Variants in CLIP4 observed in about 807,000 individuals in gnomAD.
The protein encoded by CLIP4 is CAP-Gly domain containing linker protein family member 4.
CLIP4 carries 47 observed loss-of-function variants against 73.1 expected under a neutral mutation model. The observed-to-expected ratio is 0.64, with a 90% confidence interval of 0.51 to 0.82. The LOEUF (loss-of-function observed/expected upper bound fraction) is 0.82, where lower values mean the gene tolerates loss of function less well. CLIP4 is among the 40% of genes least tolerant of loss of function. The probability of loss-of-function intolerance (pLI) is 0.00; values close to 1 mark genes in which losing one functional copy is unlikely to be tolerated. For synonymous variants in CLIP4, 306 were observed against 295.4 expected, an observed-to-expected ratio of 1.04 and a Z score of -0.37; for missense variants, 874 against 852.9, an observed-to-expected ratio of 1.02 and a Z score of -0.31.
chr2:29,180,254 C>T (rs377233195), intron 15 of CLIP4, among the ~76,000 whole-genome samples: 19 of 152,208 alleles, frequency 1.2e-4, no homozygotes, highest in East Asian at 1.2e-3. Context: ...GCTCAGGGAG[C>T]GACAAGACCC....
intron 13 of CLIP4, among the ~76,000 whole-genome samples, chr2:29,166,530 G>GACACAC (rs55833657): frequency 0.019 from 2,766 of 147,016 alleles, 31 homozygotes; most frequent in Non-Finnish European, 0.022. Context: ...TACACACACA[G>GACACAC]ACACACACAC....
In CLIP4 at chr2:29,160,406, G is replaced by T; in HGVS notation, c.1473G>T (p.Val491=). The change falls in exon 12 of 16, where the codon GTG becomes GTT. Residue 491 remains valine, a synonymous_variant. Transcript: ENST00000320081. ...CEGELRLGER[V]LVVGQRLGTI... The stretch of plus-strand genomic sequence containing the variant: ...GGGAACTCCGCCTCGGAGAGAGAGT[G>T]TTAGTGGTAGGACAGAGACTGGGCA... The T allele has an allele frequency of 1.2e-6, 2 of 1,614,182 alleles. No homozygotes were observed. The highest frequency in any genetic ancestry group is 1.7e-6 in the Non-Finnish European group (2 of 1,180,014).
chr2:29,174,477 T>A (rs766814358), intron 15 of CLIP4, 32 bp downstream of exon 15: 1 of 1,599,704 alleles, frequency 6.3e-7, no homozygotes, highest in Admixed American at 1.7e-5. Flanking sequence ...AAAAACACCT[T>A]TCAAGATGAA....
intron 1 of CLIP4, among the ~76,000 whole-genome samples, chr2:29,099,847 T>A (rs185726539): frequency 6.6e-6 from 1 of 152,332 alleles, no homozygotes; most frequent in Admixed American, 6.5e-5. Flanking sequence ...TCTCCATTTA[T>A]TTAGATTTAT....
intron 6 of CLIP4, among the ~76,000 whole-genome samples, chr2:29,142,482 TTC>T (rs993298496): frequency 6.6e-6 from 1 of 152,276 alleles, no homozygotes; most frequent in Non-Finnish European, 1.5e-5. Context: ...TTCCCTATTT[TTC>T]TCTCTCTGTT....
In CLIP4 at chr2:29,145,305, C is replaced by T. The variant is rs1306526254; in HGVS notation, c.959C>T (p.Pro320Leu). ...GQWAGIELDE[P>L]EGKNNGSVGK... is the part of the protein sequence containing the mutation. ...TGGGCTGGCATTGAACTGGATGAAC[C>T]AGAAGGAAAAAATAATGGAAGTGTT... Residue 320 changes from proline to leucine, a missense_variant, in exon 8 of 16, where the codon CCA (proline) becomes CTA (leucine). Physicochemically the swap from Pro to Leu is moderately conservative, Grantham distance 98 (BLOSUM62 -3). Transcript: ENST00000320081. 6.2e-7 allele frequency: 1 copy of T among 1,613,100 alleles called. No individual in the cohort carries two copies. Among genetic ancestry groups the T allele is most frequent in the Non-Finnish European group, 8.5e-7 (1 of 1,179,470 alleles).
chr2:29,103,511 T>G (rs532905976), intron 1 of CLIP4, among the ~76,000 whole-genome samples: 6 of 152,270 alleles, frequency 3.9e-5, no homozygotes, highest in Non-Finnish European at 7.4e-5. Flanking sequence ...ATACCATAAC[T>G]TACATTCTTA....
chr2:29,139,536 A>G (rs1003958522), intron 6 of CLIP4, among the ~76,000 whole-genome samples: 18 of 151,936 alleles, frequency 1.2e-4, no homozygotes, highest in Non-Finnish European at 2.2e-4. Flanking sequence ...TGGTTTTTTC[A>G]TATCATTTTG....
intron 14 of CLIP4, among the ~76,000 whole-genome samples, chr2:29,170,814 T>C (rs10169015): frequency 0.069 from 10,475 of 152,118 alleles, 1,179 homozygotes; most frequent in African/African-American, 0.24. Context: ...TTTTTTCACA[T>C]GTGAATGTCC....
intron 1 of CLIP4, among the ~76,000 whole-genome samples, chr2:29,110,076 T>A (rs1477982393): frequency 6.6e-6 from 1 of 151,652 alleles, no homozygotes; most frequent in Non-Finnish European, 1.5e-5. Context: ...AAAAAAAGAA[T>A]AAACATAGAA....
In CLIP4 at chr2:29,164,038, A is replaced by G. The variant is rs1229779572; in HGVS notation, c.1658+84A>G. 4.5e-6 allele frequency: 5 copies of G among 1,123,450 alleles called. No individual in the cohort carries two copies. The African/African-American group carries it at 4.7e-5, about 11-fold the overall frequency. 69.6% of individuals were successfully genotyped at this position (1,123,450 alleles called of 1,614,324 possible). A position where few individuals can be genotyped will look rare whatever the true frequency, so the allele number is the denominator to read the frequency against. On this transcript the variant is annotated intron_variant, in intron 13 of 15. Coordinates refer to ENST00000320081, the MANE Select transcript of CLIP4 (RefSeq NM_024692.6). ...TAGAGACACTAATTTTATATTAAAGATATGCTCTGATTGTAGCTCATGTCT... is the reference window on the plus strand; with the variant it reads ...TAGAGACACTAATTTTATATTAAAGGTATGCTCTGATTGTAGCTCATGTCT...
intron 8 of CLIP4, among the ~76,000 whole-genome samples, chr2:29,151,544 A>G (rs1436552893): frequency 1.3e-5 from 2 of 152,186 alleles, no homozygotes; most frequent in African/African-American, 2.4e-5. Context: ...AAAGATAAGA[A>G]AATCAGGATA....
chr2:29,171,527 T>A (rs1238610033), intron 14 of CLIP4, among the ~76,000 whole-genome samples: 2 of 151,314 alleles, frequency 1.3e-5, no homozygotes, highest in South Asian at 2.1e-4. Flanking sequence ...TTTCCTTTTT[T>A]TTTTTTTTTG....
At chr2:29,153,790 G>A (rs1666740255) in intron 9 of CLIP4, among the ~76,000 whole-genome samples, 1 of 152,192 alleles carries the variant, frequency 6.6e-6, no homozygotes, top group African/African-American at 2.4e-5. Context: ...GAATATCCCT[G>A]TGTCAATACT....
chr2:29,106,648 T>C (rs1257198013), intron 1 of CLIP4, among the ~76,000 whole-genome samples: 1 of 152,124 alleles, frequency 6.6e-6, no homozygotes, highest in South Asian at 2.1e-4. Context: ...ACCATGACAC[T>C]CTCTATTTTA....
intron 15 of CLIP4, chr2:29,174,786 A>G (rs949556299): frequency 1.3e-4 from 67 of 514,726 alleles, no homozygotes; most frequent in Non-Finnish European, 1.5e-4. Flanking sequence ...TTGATTTAAT[A>G]TTGTCAGTGA....
intron 11 of CLIP4, among the ~76,000 whole-genome samples, chr2:29,157,737 A>G (rs918199949): frequency 2.6e-5 from 4 of 152,228 alleles, no homozygotes; most frequent in Admixed American, 2.6e-4. Flanking sequence ...AATACCAGCC[A>G]GTTTTGATAT....
At chr2:29,112,586 T>A (rs1432118601), upstream of CLIP4, among the ~76,000 whole-genome samples, 5 of 152,272 alleles carry the variant, frequency 3.3e-5, no homozygotes, top group Non-Finnish European at 5.9e-5. Context: ...TAGAAACTGA[T>A]CTTGTACTTG....
At position 29,181,772 on chromosome 2, in the gene CLIP4, A is replaced by T; in HGVS notation, c.1997A>T (p.Asp666Val). The change falls in exon 16 of 16, where the codon GAT (aspartate) becomes GTT (valine). Residue 666 changes from aspartate (D) to valine (V), a missense_variant. By Grantham distance (152) the Asp-to-Val change is radical (BLOSUM62 -3). Coordinates refer to ENST00000320081, the MANE Select transcript of CLIP4 (RefSeq NM_024692.6). ...CTCCGAAGCGCCAAGGGAAAAAATG[A>T]TGGGTCAGTGGGTGACAAGCGCTAT... ...LELRSAKGKN[D>V]GSVGDKRYFT... 1.2e-6 allele frequency: 2 copies of T among 1,614,204 alleles called. No homozygotes were observed. The highest frequency in any genetic ancestry group is 1.7e-6 in the Non-Finnish European group (2 of 1,180,026).
Sources: gnomAD v4.1 joint callset for allele counts (sites outside exome capture counted in the v4.1 genomes callset) on GRCh38, gnomAD v4.1.1 for gene constraint, MANE v1.5 for transcripts, NCBI Gene and HGNC (gene_info 2026-07-23, HGNC 2026-07-21) for gene names.